The following LRRIQ1 variants were observed in gnomAD, a reference collection of about 807,000 sequenced individuals.
LRRIQ1 encodes leucine rich repeats and IQ motif containing 1, also known as leucine-rich repeat- and IQ domain-containing protein 1.
A neutral mutation model predicts 211.9 loss-of-function variants in LRRIQ1; 210 were observed. The ratio of observed to expected loss-of-function variants is 0.99; its 90% CI spans 0.89 to 1.11. The LOEUF (loss-of-function observed/expected upper bound fraction) is 1.11, where lower values mean the gene tolerates loss of function less well. Ranked by LOEUF, LRRIQ1 falls within the 50% of genes most tolerant of loss-of-function variation. The pLI is 0.00. For missense variants in LRRIQ1, 2,136 were observed against 1,939.5 expected, an observed-to-expected ratio of 1.10 and a Z score of -1.90; for synonymous variants, 699 against 650.1, an observed-to-expected ratio of 1.08 and a Z score of -1.14.
chr12:85,200,828 CT>C (rs771974819), intron 24 of LRRIQ1, among the ~76,000 whole-genome samples: 2 of 148,958 alleles, frequency 1.3e-5, no homozygotes, highest in Non-Finnish European at 3.0e-5. Context: ...ATTTTTTTTT[CT>C]TTTTTTTTGA....
At chr12:85,101,948 A>T (rs1748679894) in intron 13 of LRRIQ1, among the ~76,000 whole-genome samples, 1 of 151,572 alleles carries the variant, frequency 6.6e-6, no homozygotes, top group South Asian at 2.1e-4. Context: ...AACATGAGAT[A>T]CTCTGAAAAA....
downstream of LRRIQ1, among the ~76,000 whole-genome samples, chr12:85,264,891 AC>A (rs960011682): frequency 6.6e-5 from 10 of 152,002 alleles, no homozygotes; most frequent in African/African-American, 2.4e-4. Flanking sequence ...TTCTGTAAAT[AC>A]CCCATCCCAC....
intron 11 of LRRIQ1, among the ~76,000 whole-genome samples, chr12:85,097,417 C>T (rs1232818971): frequency 6.6e-6 from 1 of 151,358 alleles, no homozygotes; most frequent in Non-Finnish European, 1.5e-5. Context: ...CCTCACCCCA[C>T]CCTACCACAG....
At chr12:85,252,010 C>CT (rs1447038072) in intron 1 of LRRIQ1, among the ~76,000 whole-genome samples, 2 of 151,852 alleles carry the variant, frequency 1.3e-5, no homozygotes, top group African/African-American at 4.8e-5. Context: ...TAAATGGTCT[C>CT]TAATTATTGT....
At chr12:85,112,647 T>C (rs1214059861) in intron 15 of LRRIQ1, among the ~76,000 whole-genome samples, 1 of 151,884 alleles carries the variant, frequency 6.6e-6, no homozygotes, top group African/African-American at 2.4e-5. Context: ...ACTTCTTATT[T>C]CTACCAGAGA....
At chr12:85,192,389 A>G (rs891656781) in intron 24 of LRRIQ1, among the ~76,000 whole-genome samples, 4 of 137,392 alleles carry the variant, frequency 2.9e-5, no homozygotes, top group Middle Eastern at 3.3e-3. Context: ...ATAAATATAT[A>G]TAGTGTATAT....
intron 8 of LRRIQ1, among the ~76,000 whole-genome samples, chr12:85,057,413 A>G (rs999928793): frequency 7.9e-5 from 12 of 152,016 alleles, no homozygotes; most frequent in African/African-American, 2.4e-4. Flanking sequence ...ATATTTTTTA[A>G]TATCTTGAAG....
intron 12 of LRRIQ1, 52 bp from the exon 13 acceptor site, chr12:85,098,815 A>G: frequency 1.5e-6 from 2 of 1,336,820 alleles, no homozygotes; most frequent in Non-Finnish European, 1.0e-6. Flanking sequence ...AATTGGGCTA[A>G]ATGATAAAAT....
intron 24 of LRRIQ1, among the ~76,000 whole-genome samples, chr12:85,178,154 C>G (rs1891808128): frequency 6.6e-6 from 1 of 152,070 alleles, no homozygotes; most frequent in Admixed American, 6.6e-5. Flanking sequence ...CTTTTTATGG[C>G]TAAAATTTTC....
chr12:85,125,564 A>G (rs2136455321), intron 17 of LRRIQ1, among the ~76,000 whole-genome samples: 1 of 152,288 alleles, frequency 6.6e-6, no homozygotes, highest in Admixed American at 6.5e-5. Flanking sequence ...ATATCACAGT[A>G]ACTAGCAAAT....
intron 19 of LRRIQ1, among the ~76,000 whole-genome samples, chr12:85,148,420 G>A (rs1890031412): frequency 6.6e-6 from 1 of 151,846 alleles, no homozygotes; most frequent in Non-Finnish European, 1.5e-5. Flanking sequence ...CTGTTCCTAT[G>A]TTAGTTTGCT....
chr12:85,128,929 A>G (rs1382469134), intron 18 of LRRIQ1, among the ~76,000 whole-genome samples: 1 of 152,154 alleles, frequency 6.6e-6, no homozygotes, highest in African/African-American at 2.4e-5. Flanking sequence ...TCTGATATCA[A>G]AGTGTTGACT....
At chr12:85,131,004 G>A (rs1164876775) in intron 18 of LRRIQ1, among the ~76,000 whole-genome samples, 3 of 150,558 alleles carry the variant, frequency 2.0e-5, no homozygotes, top group African/African-American at 7.4e-5. Flanking sequence ...GAGGTCCAGA[G>A]TTCGAGACCA....
chr12:85,182,640 G>C (rs1015735255), intron 24 of LRRIQ1, among the ~76,000 whole-genome samples: 6 of 152,080 alleles, frequency 3.9e-5, no homozygotes, highest in African/African-American at 1.4e-4. Context: ...ACACAATAGA[G>C]GCCCGCACAT....
intron 24 of LRRIQ1, among the ~76,000 whole-genome samples, chr12:85,172,174 G>T (rs1167201891): frequency 6.6e-6 from 1 of 152,082 alleles, no homozygotes; most frequent in Non-Finnish European, 1.5e-5. Context: ...GGGAAGAATA[G>T]TAACTTTGGT....
At chr12:85,099,258 A>C (rs763752206) in intron 13 of LRRIQ1, among the ~76,000 whole-genome samples, 2 of 151,856 alleles carry the variant, frequency 1.3e-5, no homozygotes, top group African/African-American at 2.4e-5. Flanking sequence ...ACTTGTATAA[A>C]TCTCTCAGGG....
At chr12:85,045,971 C>A (rs1879501071) in intron 4 of LRRIQ1, 49 bp from the exon 5 acceptor site, 3 of 1,046,286 alleles carry the variant, frequency 2.9e-6, no homozygotes, top group East Asian at 2.4e-5. Flanking sequence ...GACAGCTTTA[C>A]TCTCTATTTT....
In LRRIQ1 at chr12:85,177,425, T is replaced by A. The variant is rs147927186; in HGVS notation, c.4822+16711T>A. ...TCATTTTGAATCTAGCCCAGAGACA[T>A]GAGGGAAGAAGTGACACTTGGGCTG... On this transcript the variant is annotated intron_variant, in intron 24 of 26. Coordinates refer to ENST00000393217, the MANE Select transcript of LRRIQ1 (RefSeq NM_001079910.2). Among the ~76,000 whole-genome samples, 760 of 151,602 alleles carry A rather than the reference T, an allele frequency of 5.0e-3. 3 individuals carry two copies. The highest frequency in any genetic ancestry group is 0.018 in the African/African-American group (726 of 41,200).
intron 1 of LRRIQ1, among the ~76,000 whole-genome samples, chr12:85,256,117 G>A (rs1896081786): frequency 6.6e-6 from 1 of 151,608 alleles, no homozygotes; most frequent in Non-Finnish European, 1.5e-5. Flanking sequence ...TGTTTACGGA[G>A]CTAAGACAGT....
Sources: allele counts gnomAD v4.1 joint callset (sites outside exome capture counted in the v4.1 genomes callset), GRCh38; gene constraint gnomAD v4.1.1; transcripts MANE v1.5; gene names NCBI Gene and HGNC (gene_info 2026-07-23, HGNC 2026-07-21).